Variants in MVB12B observed in about 807,000 individuals in gnomAD.
The protein encoded by MVB12B is ESCRT-I complex subunit MVB12B.
In MVB12B, 16 loss-of-function variants were observed where a neutral mutation model predicts 41.6. The ratio of observed to expected loss-of-function variants is 0.38; its 90% CI spans 0.26 to 0.58. MVB12B has a LOEUF of 0.58. Ranked by LOEUF, MVB12B falls within the 20% of genes least tolerant of loss-of-function variation. MVB12B has a pLI of 0.62. For missense variants in MVB12B, 274 were observed against 380.2 expected, an observed-to-expected ratio of 0.72 and a Z score of 2.32; for synonymous variants, 133 against 139.7, an observed-to-expected ratio of 0.95 and a Z score of 0.34.
chr9:126,330,480 T>G (rs929265467), intron 1 of MVB12B, among the ~76,000 whole-genome samples: 3 of 152,200 alleles, frequency 2.0e-5, no homozygotes, highest in Non-Finnish European at 4.4e-5. Context: ...GACCTCATAC[T>G]CAGACTTTAT....
At chr9:126,406,573 T>C (rs1357681946) in intron 6 of MVB12B, among the ~76,000 whole-genome samples, 4 of 152,240 alleles carry the variant, frequency 2.6e-5, no homozygotes. Context: ...AGTGCCCATA[T>C]GTTCCTTGTT....
In MVB12B at chr9:126,359,815, A is replaced by C. The variant is rs372237050; in HGVS notation, c.204+19185A>C. 1.2e-4 allele frequency among the ~76,000 whole-genome samples: 19 copies of C among 152,124 alleles called. No homozygotes were observed. In the East Asian group the frequency reaches 3.5e-3, roughly 28 times the overall value. ...AGGCTGCCATCCTGGATCAAATAGT[A>C]GTTCTTTTTTTAGTTCTTTCCATTT... On this transcript the variant is annotated intron_variant, in intron 2 of 9. Coordinates refer to ENST00000361171, the MANE Select transcript of MVB12B (RefSeq NM_033446.3).
At chr9:126,502,941 C>T (rs1418559118) in intron 9 of MVB12B, among the ~76,000 whole-genome samples, 2 of 152,238 alleles carry the variant, frequency 1.3e-5, no homozygotes, top group African/African-American at 4.8e-5. Flanking sequence ...GGGTACCAGT[C>T]ATCACCACAG....
At chr9:126,418,466 A>G (rs1831891325) in intron 6 of MVB12B, among the ~76,000 whole-genome samples, 1 of 152,236 alleles carries the variant, frequency 6.6e-6, no homozygotes, top group Admixed American at 6.5e-5. Context: ...GTCTCTGCAC[A>G]AAGTAGATAG....
At chr9:126,388,503 G>T (rs1300988279) in intron 4 of MVB12B, among the ~76,000 whole-genome samples, 3 of 152,200 alleles carry the variant, frequency 2.0e-5, no homozygotes, top group African/African-American at 7.2e-5. Flanking sequence ...GAACATTCAT[G>T]TACAAGTTTT....
intron 7 of MVB12B, among the ~76,000 whole-genome samples, chr9:126,431,989 G>A (rs1832342979): frequency 6.6e-6 from 1 of 152,268 alleles, no homozygotes; most frequent in South Asian, 2.1e-4. Flanking sequence ...AAGCTATGTG[G>A]GAAGGAGGCT....
intron 2 of MVB12B, among the ~76,000 whole-genome samples, chr9:126,341,015 A>G (rs947752281): frequency 1.1e-4 from 17 of 152,236 alleles, no homozygotes; most frequent in African/African-American, 3.6e-4. Flanking sequence ...AGCTCTTTAC[A>G]GTTTAAAATG....
At chr9:126,489,906 G>A (rs533448162) in intron 9 of MVB12B, among the ~76,000 whole-genome samples, 1 of 152,250 alleles carries the variant, frequency 6.6e-6, no homozygotes, top group East Asian at 1.9e-4. Context: ...TCTTGTCCCG[G>A]CCCCACCTGT....
At chr9:126,404,169 G>T (rs1831351043) in intron 6 of MVB12B, among the ~76,000 whole-genome samples, 1 of 151,996 alleles carries the variant, frequency 6.6e-6, no homozygotes. Context: ...TGGCCAGGCT[G>T]GTCTCGAACT....
At chr9:126,461,538 A>G (rs376074910) in intron 7 of MVB12B, among the ~76,000 whole-genome samples, 8 of 152,146 alleles carry the variant, frequency 5.3e-5, no homozygotes, top group African/African-American at 1.9e-4. Flanking sequence ...TCCTAATATC[A>G]TTTCACATTT....
intron 5 of MVB12B, among the ~76,000 whole-genome samples, chr9:126,394,963 T>C (rs150946885): frequency 3.2e-4 from 49 of 152,238 alleles, no homozygotes; most frequent in African/African-American, 1.1e-3. Context: ...GGCGGGGCTG[T>C]GGTGACTGCG....
At chr9:126,485,885 G>A (rs543415200) in intron 9 of MVB12B, among the ~76,000 whole-genome samples, 92 of 152,226 alleles carry the variant, frequency 6.0e-4, no homozygotes, top group Non-Finnish European at 1.1e-3. Context: ...TCTGTAGAGC[G>A]GGTGGTTAAG....
Position 126,340,523 on chromosome 9 carries a change from C to T in MVB12B, c.97C>T (p.Pro33Ser). The T allele has an allele frequency of 6.2e-7, 1 of 1,614,104 alleles. No individual in the cohort carries two copies. The highest frequency in any genetic ancestry group is 8.5e-7 in the Non-Finnish European group (1 of 1,179,960). The change falls in exon 2 of 10, where the codon CCT becomes TCT. Residue 33 changes from proline (P) to serine (S), a missense_variant. Pro to Ser is a moderately conservative substitution (Grantham distance 74). Coordinates refer to ENST00000361171, the MANE Select transcript of MVB12B (RefSeq NM_033446.3). This position sits in a 1 kb window ranked among gnomAD's most constrained non-coding sequence, Gnocchi z 4.0. ...GCTGAACCAGGACCAGTCCACCATG[C>T]CTGAAGTCAAAGACCTCTCAGAAGC... is the stretch of plus-strand genomic sequence containing the variant. ...PQRGTDQSTMPEVKDLSEALP... is the reference protein window; with the variant it reads ...PQRGTDQSTMSEVKDLSEALP...
rs754498220 is a variant in MVB12B, at chr9:126,386,520, T to A, written c.313-42T>A. The stretch of plus-strand genomic sequence containing the variant: ...CAAAATGGCAAACCCACCACATGCA[T>A]GTTCAGATTAATAGTCTGTATCTCT... On this transcript the variant is annotated intron_variant, in intron 3 of 9. Transcript: ENST00000361171. This position sits in a 1 kb window ranked among gnomAD's most constrained non-coding sequence, Gnocchi z 4.3. 27 of 1,492,134 alleles carry A rather than the reference T, an allele frequency of 1.8e-5. No homozygotes were observed. The highest frequency in any genetic ancestry group is 1.3e-4 in the Admixed American group (8 of 59,464). 92.4% of individuals were successfully genotyped at this position (1,492,134 alleles called of 1,614,324 possible). A position where few individuals can be genotyped will look rare whatever the true frequency, so the allele number is the denominator to read the frequency against.
At chr9:126,343,428 G>A (rs538043420) in intron 2 of MVB12B, among the ~76,000 whole-genome samples, 7 of 152,284 alleles carry the variant, frequency 4.6e-5, no homozygotes, top group Admixed American at 1.3e-4. Flanking sequence ...GTCAGTTTTC[G>A]AAGAATTGTA....
rs569780144 is a variant in MVB12B, at chr9:126,340,113, T to C, written c.82-395T>C. Among the ~76,000 whole-genome samples the C allele has an allele frequency of 2.0e-5, 3 of 152,082 alleles. No homozygotes were observed. The East Asian group carries it at 5.8e-4, about 29-fold the overall frequency. On this transcript the variant is annotated intron_variant, in intron 1 of 9. Transcript: ENST00000361171. The surrounding 1 kb of genome is among the most constrained non-coding windows in gnomAD (Gnocchi z 4.0). ...GAAGTCTAGGCCTCCGTAGGAGAGA[T>C]TGCAAGGGAGAGAGAGGAAAGGTGT...
chr9:126,477,883 C>T lies in MVB12B; in HGVS notation c.758-3486C>T, dbSNP rs560267009. On this transcript the variant is annotated intron_variant, in intron 7 of 9. Transcript: ENST00000361171. ...CCTCTGCTGACTAGCAAGGCAAGAGCGCAGCGTGACAGGAGGCCTGGCTAC... is the reference window on the plus strand; with the variant it reads ...CCTCTGCTGACTAGCAAGGCAAGAGTGCAGCGTGACAGGAGGCCTGGCTAC... Among the ~76,000 whole-genome samples the T allele has an allele frequency of 9.8e-5, 15 of 152,300 alleles. No homozygotes were observed. The East Asian group carries it at 1.9e-3, about 20-fold the overall frequency.
intron 2 of MVB12B, among the ~76,000 whole-genome samples, chr9:126,349,046 C>G (rs530751381): frequency 6.6e-6 from 1 of 152,038 alleles, no homozygotes. Context: ...CCTGGGGAAG[C>G]ACAGGTGGGG....
intron 6 of MVB12B, among the ~76,000 whole-genome samples, chr9:126,399,519 A>G (rs1218318047): frequency 1.3e-4 from 20 of 152,128 alleles, no homozygotes; most frequent in Non-Finnish European, 1.5e-5. Context: ...GGGCCAAGAG[A>G]GGAAACACCT....
Sources: gnomAD v4.1 joint callset for allele counts (sites outside exome capture counted in the v4.1 genomes callset) on GRCh38, gnomAD v4.1.1 for gene constraint, Gnocchi (gnomAD v3.1) non-coding constraint, MANE v1.5 for transcripts, NCBI Gene and HGNC (gene_info 2026-07-23, HGNC 2026-07-21) for gene names.